MED1: variants seen among roughly 807,000 people sequenced by gnomAD.
MED1 encodes mediator complex subunit 1, also known as mediator of RNA polymerase II transcription subunit 1.
Under a neutral mutation model 121.3 loss-of-function variants are expected in MED1, and 17 were observed. The observed-to-expected ratio is 0.14, with a 90% CI of 0.10 to 0.21. The LOEUF (loss-of-function observed/expected upper bound fraction) is 0.21, where lower values mean the gene tolerates loss of function less well. Among genes scored for constraint, MED1 ranks in the 10% least tolerant of loss-of-function variants. The pLI is 1.00. For synonymous variants in MED1, 661 were observed against 694.4 expected, an observed-to-expected ratio of 0.95 and a Z score of 0.76; for missense variants, 1,558 against 1,919.4, an observed-to-expected ratio of 0.81 and a Z score of 3.52.
chr17:39,412,967 T>C (rs112440454), intron 16 of MED1, among the ~76,000 whole-genome samples: 1,638 of 152,262 alleles, frequency 0.011, 28 homozygotes, highest in African/African-American at 0.037. Context: ...CCAATAAAAT[T>C]TATTTACAAA....
In MED1 at chr17:39,409,538, AATC is replaced by A. The variant is rs772592529; in HGVS notation, c.2680_2682del (p.Asp894del). 3 of 1,614,166 alleles carry A rather than the reference AATC, an allele frequency of 1.9e-6. No homozygotes were observed. Among genetic ancestry groups the A allele is most frequent in the South Asian group, 2.2e-5 (2 of 91,076 alleles). On this transcript the variant is annotated inframe_deletion, in exon 17 of 17. Transcript: ENST00000300651. ...AGTGCCTGAGATGCAAATCCTTTGA[AATC>A]ATCATTATCCCCACTTTGGCTGCTT...
intron 6 of MED1, among the ~76,000 whole-genome samples, chr17:39,438,395 G>A (rs1275462481): frequency 6.9e-6 from 1 of 145,938 alleles, no homozygotes; most frequent in Non-Finnish European, 1.5e-5. Flanking sequence ...CCAGGCTGGA[G>A]TGCAGTGGCG....
chr17:39,413,915 A>G (rs1430218443), intron 16 of MED1, among the ~76,000 whole-genome samples: 2 of 25,792 alleles, frequency 7.8e-5, no homozygotes, highest in Non-Finnish European at 3.2e-4. Flanking sequence ...ATATCATTAA[A>G]AAAAAAAAAA....
In MED1 at chr17:39,410,362, G is replaced by C. The variant is rs1448670644; in HGVS notation, c.1859C>G (p.Ser620Trp). The C allele has an allele frequency of 8.1e-6, 13 of 1,613,898 alleles. No homozygotes were observed. The highest frequency in any genetic ancestry group is 1.3e-5 in the African/African-American group (1 of 74,874). The part of the protein sequence containing the change: ...ITGNGGSTIG[S>W]SPTPPHHTPP... ...CGTGTGATGAGGAGGGGTCGGACTC[G>C]AGCCAATGGTAGACCCCCCGTTCCC... Residue 620 changes from serine (S) to tryptophan (W), a missense_variant, in exon 17 of 17, where the codon TCG (serine) becomes TGG (tryptophan). By Grantham distance (177) the Ser-to-Trp change is radical. This residue lies in a region of MED1 where 793 missense variants were observed against 898.2 expected (regional missense o/e 0.88). Coordinates refer to ENST00000300651, the MANE Select transcript of MED1 (RefSeq NM_004774.4).
chr17:39,410,130 A>G lies in MED1; in HGVS notation c.2091T>C (p.Pro697=), dbSNP rs2048342739. Residue 697 remains proline (P), a synonymous_variant, in exon 17 of 17, where the codon CCT becomes CCC. Transcript: ENST00000300651. ...CTTCAGTCTGGTGCTTTGGTTTCTC[A>G]GGTGGTAATCTTGATGACTTCTTTT... The part of the protein sequence containing the change: ...TKKKKSSRLP[P]EKPKHQTEDD... 1 of 1,614,010 alleles carries G rather than the reference A, an allele frequency of 6.2e-7. No homozygotes were observed. Among genetic ancestry groups the G allele is most frequent in the African/African-American group, 1.3e-5 (1 of 74,906 alleles).
intron 7 of MED1, among the ~76,000 whole-genome samples, chr17:39,432,699 A>C (rs1435133641): frequency 1.3e-5 from 2 of 151,840 alleles, no homozygotes; most frequent in East Asian, 3.9e-4. Flanking sequence ...GGTTGCAGTG[A>C]ACCGAGATCA....
chr17:39,450,985 A>G, intron 1 of MED1, 53 bp downstream of exon 1: 1 of 1,568,558 alleles, frequency 6.4e-7, no homozygotes, highest in Admixed American at 1.8e-5. Context: ...TCCTCTCACA[A>G]ACTGGCTCCC....
In MED1 at chr17:39,410,247, T is replaced by C; in HGVS notation, c.1974A>G (p.Ser658=). The C allele has an allele frequency of 6.2e-7, 1 of 1,613,964 alleles. No homozygotes were observed. Among genetic ancestry groups the C allele is most frequent in the East Asian group, 2.2e-5 (1 of 44,876 alleles). ...LLKDNPAQDF[S]TLYGSSPLER... is the part of the protein sequence containing the mutation. ...CTAAAGGGCTGCTTCCATAAAGGGT[T>C]GAGAAATCCTGGGCAGGATTATCTT... is the stretch of plus-strand genomic sequence containing the variant. Residue 658 remains serine (S), a synonymous_variant, in exon 17 of 17, where the codon TCA becomes TCG. Coordinates refer to ENST00000300651, the MANE Select transcript of MED1 (RefSeq NM_004774.4).
intron 13 of MED1, among the ~76,000 whole-genome samples, chr17:39,423,111 T>A (rs961167158): frequency 6.6e-6 from 1 of 151,644 alleles, no homozygotes; most frequent in Admixed American, 6.6e-5. Flanking sequence ...ACGATCCGCC[T>A]GCCTTGGCCT....
In MED1 at chr17:39,407,266, A is replaced by T. The variant is rs2048310997; in HGVS notation, c.*209T>A. The T allele has an allele frequency of 9.6e-7, 1 of 1,046,538 alleles. No homozygotes were observed. The allele number at this position is 1,046,538 out of a possible 1,614,324, so 64.8% of individuals were successfully genotyped here. On this transcript the variant is annotated 3_prime_UTR_variant, in exon 17 of 17. Coordinates refer to ENST00000300651, the MANE Select transcript of MED1 (RefSeq NM_004774.4). ...TCTTTCTGGCACAGGAACAAAGAAG[A>T]CTTCCTGGTAACCAGAATCAAACCC... is the stretch of plus-strand genomic sequence containing the variant.
In MED1 at chr17:39,440,639, T is replaced by C. The variant is rs2048666316; in HGVS notation, c.250A>G (p.Ile84Val). The change falls in exon 4 of 17, where the codon ATA becomes GTA. Residue 84 changes from isoleucine (I) to valine (V), a missense_variant. Ile to Val is a conservative substitution (Grantham distance 29, BLOSUM62 3). Around this residue, in one of 5 missense-constraint regions of MED1, gnomAD observed 443 missense variants for 532.4 expected, o/e 0.83. Coordinates refer to ENST00000300651, the MANE Select transcript of MED1 (RefSeq NM_004774.4). The surrounding 1 kb of genome is among the most constrained non-coding windows in gnomAD (Gnocchi z 4.1). ...LPAMTDRLES[I>V]ARQNGLGSHL... ...ACTACTTACCCATTCTGTCTTGCTA[T>C]GGACTCCAAACGATCAGTCATTGCT... The C allele has an allele frequency of 6.2e-7, 1 of 1,613,722 alleles. No individual in the cohort carries two copies. The highest frequency in any genetic ancestry group is 8.5e-7 in the Non-Finnish European group (1 of 1,179,776).
chr17:39,408,947 A>C lies in MED1; in HGVS notation c.3274T>G (p.Ser1092Ala). Reference sequence around the variant, plus strand: ...TGGCTATGGTGGCTTTTGCTGCCTGAGGAAGACACAGAACCACTGCTGGTA... The same window carrying C: ...TGGCTATGGTGGCTTTTGCTGCCTGCGGAAGACACAGAACCACTGCTGGTA... The part of the protein sequence containing the change: ...QYTSSGSVSS[S>A]GSKSHHSHSS... Residue 1092 changes from serine to alanine, a missense_variant, in exon 17 of 17, where the codon TCA (serine) becomes GCA (alanine). Around this residue, in one of 5 missense-constraint regions of MED1, gnomAD observed 793 missense variants for 898.2 expected, o/e 0.88. Transcript: ENST00000300651. This position sits in a 1 kb window ranked among gnomAD's most constrained non-coding sequence, Gnocchi z 4.7. 1 of 1,614,206 alleles carries C rather than the reference A, an allele frequency of 6.2e-7. No homozygotes were observed. The highest frequency in any genetic ancestry group is 8.5e-7 in the Non-Finnish European group (1 of 1,180,044).
chr17:39,406,892 A>G lies in MED1; in HGVS notation c.*583T>C. ...TAAAGGGTTAAAATATTACAAATAA[A>G]TAGCTAAAATAATCTTCCCTCCCCC... is the stretch of plus-strand genomic sequence containing the variant. On this transcript the variant is annotated 3_prime_UTR_variant, in exon 17 of 17. Coordinates refer to ENST00000300651, the MANE Select transcript of MED1 (RefSeq NM_004774.4). The G allele has an allele frequency of 1.0e-6, 1 of 985,818 alleles. No homozygotes were observed. Among genetic ancestry groups the G allele is most frequent in the African/African-American group, 1.7e-5 (1 of 57,348 alleles). The allele number at this position is 985,818 out of a possible 1,614,324, so 61.1% of individuals were successfully genotyped here. A position where few individuals can be genotyped will look rare whatever the true frequency, so the allele number is the denominator to read the frequency against.
chr17:39,425,154 C>T (rs567518584), intron 10 of MED1, among the ~76,000 whole-genome samples: 4 of 152,198 alleles, frequency 2.6e-5, no homozygotes, highest in African/African-American at 9.6e-5. Context: ...ACTAGGATTA[C>T]AGGTGGGATT....
intron 2 of MED1, among the ~76,000 whole-genome samples, chr17:39,447,251 C>T (rs567454192): frequency 1.3e-5 from 2 of 151,900 alleles, no homozygotes. Context: ...ATTAGCTGGG[C>T]GTGGTGGCGC....
In MED1 at chr17:39,409,626, G is replaced by A. The variant is rs1263167056; in HGVS notation, c.2595C>T (p.Phe865=). 1 of 1,613,982 alleles carries A rather than the reference G, an allele frequency of 6.2e-7. No homozygotes were observed. The highest frequency in any genetic ancestry group is 8.5e-7 in the Non-Finnish European group (1 of 1,180,034). ...TNHFFHDGVD[F]NPDLLNSQSQ... The stretch of plus-strand genomic sequence containing the variant: ...TCTGGCTGTTCAATAAATCAGGATT[G>A]AAATCTACTCCATCATGAAAAAAAT... The change falls in exon 17 of 17, where the codon TTC becomes TTT. Residue 865 remains phenylalanine (F), a synonymous_variant. Transcript: ENST00000300651.
chr17:39,409,562 T>G lies in MED1; in HGVS notation c.2659A>C (p.Ser887Arg), dbSNP rs1372482624. The G allele has an allele frequency of 1.9e-6, 3 of 1,614,082 alleles. No individual in the cohort carries two copies. Among genetic ancestry groups the G allele is most frequent in the Non-Finnish European group, 2.5e-6 (3 of 1,180,050 alleles). Reference protein sequence around the residue: ...GFGEEYFDESSQSGDNDDFKG... With the variant: ...GFGEEYFDESRQSGDNDDFKG... ...AAATCATCATTATCCCCACTTTGGC[T>G]GCTTTCATCAAAATATTCTTCTCCA... Residue 887 changes from serine to arginine, a missense_variant, in exon 17 of 17, where the codon AGC becomes CGC. By Grantham distance (110) the Ser-to-Arg change is moderately radical. Coordinates refer to ENST00000300651, the MANE Select transcript of MED1 (RefSeq NM_004774.4).
chr17:39,449,682 G>C (rs2048762858), intron 1 of MED1, among the ~76,000 whole-genome samples: 1 of 149,700 alleles, frequency 6.7e-6, no homozygotes, highest in Non-Finnish European at 1.5e-5. Flanking sequence ...GGCTAATTTT[G>C]TATTTTTAGT....
chr17:39,440,797 T>G lies in MED1; in HGVS notation c.212-120A>C. 1 of 956,734 alleles carries G rather than the reference T, an allele frequency of 1.0e-6. No individual in the cohort carries two copies. The highest frequency in any genetic ancestry group is 1.6e-6 in the Non-Finnish European group (1 of 622,494). The allele number at this position is 956,734 out of a possible 1,614,324, so 59.3% of individuals were successfully genotyped here. A position where few individuals can be genotyped will look rare whatever the true frequency, so the allele number is the denominator to read the frequency against. On this transcript the variant is annotated intron_variant, in intron 3 of 16. Coordinates refer to ENST00000300651, the MANE Select transcript of MED1 (RefSeq NM_004774.4). This position sits in a 1 kb window ranked among gnomAD's most constrained non-coding sequence, Gnocchi z 4.1. ...AAACATATTCAGTAGTTCAAATGCT[T>G]GTAATTTACATAAAGTTCACTGATT...
Sources: gnomAD v4.1 joint callset for allele counts (sites outside exome capture counted in the v4.1 genomes callset) on GRCh38, gnomAD v4.1.1 for gene constraint, gnomAD v4.1.1 regional missense constraint, Gnocchi (gnomAD v3.1) non-coding constraint, MANE v1.5 for transcripts, NCBI Gene and HGNC (gene_info 2026-07-23, HGNC 2026-07-21) for gene names.